ZNF362: variants seen among roughly 807,000 people sequenced by gnomAD.
ZNF362 encodes the protein zinc finger protein 362, also known as rotund homolog.
In ZNF362, 11 loss-of-function variants were observed where a neutral mutation model predicts 42.9. The observed-to-expected ratio is 0.26, with a 90% CI of 0.16 to 0.42. The LOEUF (loss-of-function observed/expected upper bound fraction) is 0.42. Among genes scored for constraint, ZNF362 ranks in the 20% least tolerant of loss-of-function variants. The probability of loss-of-function intolerance (pLI) is 1.00; values close to 1 mark genes in which losing one functional copy is unlikely to be tolerated. For synonymous variants in ZNF362, 255 were observed against 257.3 expected (o/e 0.99, Z 0.09); for missense variants, 362 against 576.2 (o/e 0.63, Z 3.81).
the ZNF362 span, chr1:33,147,272 A>C: frequency 1.2e-6 from 2 of 1,614,112 alleles, no homozygotes; most frequent in African/African-American, 2.7e-5. The surrounding 1 kb of genome is among the most constrained non-coding windows in gnomAD (Gnocchi z 8.1). Context: ...TTGCCAGGGA[A>C]CTTCTCGCGG....
At chr1:33,150,591 A>ATTCT in the ZNF362 span, among the ~76,000 whole-genome samples, 1 of 152,250 alleles carries the variant, frequency 6.6e-6, no homozygotes. Flanking sequence ...GGGACATAGA[A>ATTCT]GACGGGGAAC....
At chr1:33,193,821 G>C in the ZNF362 span, among the ~76,000 whole-genome samples, 1 of 152,196 alleles carries the variant, frequency 6.6e-6, no homozygotes, top group South Asian at 2.1e-4. Context: ...TGCCGAAGAA[G>C]AGCATAGCCT....
At chr1:33,251,617 C>T (rs957415451), upstream of ZNF362, among the ~76,000 whole-genome samples, 1 of 152,212 alleles carries the variant, frequency 6.6e-6, no homozygotes, top group Non-Finnish European at 1.5e-5. Flanking sequence ...CCTTACCTAT[C>T]TGGGCCTGCC....
At chr1:33,166,541 C>A in the ZNF362 span, among the ~76,000 whole-genome samples, 1 of 152,088 alleles carries the variant, frequency 6.6e-6, no homozygotes, top group Non-Finnish European at 1.5e-5. Context: ...CTCAGTAACC[C>A]TAAGGGAGGC....
upstream of ZNF362, among the ~76,000 whole-genome samples, chr1:33,253,194 T>G (rs1645770149): frequency 6.9e-6 from 1 of 144,140 alleles, no homozygotes; most frequent in South Asian, 2.3e-4. Flanking sequence ...TGAAGGTGGA[T>G]GGTGTGTTCA....
the ZNF362 span, among the ~76,000 whole-genome samples, chr1:33,191,633 T>C: frequency 6.6e-6 from 1 of 152,120 alleles, no homozygotes; most frequent in African/African-American, 2.4e-5. Flanking sequence ...GCCTCCCAAG[T>C]AGCTGGGACT....
At position 33,258,719 on chromosome 1, in the gene ZNF362, A is replaced by AC. The variant is rs1468000237; in HGVS notation, c.-89+2070dup. On this transcript the variant is annotated intron_variant, in intron 1 of 8. Transcript: ENST00000539719. ...TAGAATGGGACAGCACGATCCCTTC[A>AC]CCCCCTCCTACCCCCGCCATCATAA... Among the ~76,000 whole-genome samples, 4 of 151,774 alleles carry AC rather than the reference A, an allele frequency of 2.6e-5. No homozygotes were observed. The East Asian group carries it at 5.8e-4, about 22-fold the overall frequency.
the ZNF362 span, among the ~76,000 whole-genome samples, chr1:33,236,550 A>AT: frequency 5.5e-3 from 33 of 5,980 alleles, 1 homozygote; most frequent in African/African-American, 0.012. Context: ...AAAAAAAAAA[A>AT]ATATATATAT....
chr1:33,206,999 G>A, the ZNF362 span, among the ~76,000 whole-genome samples: 27 of 152,046 alleles, frequency 1.8e-4, no homozygotes, highest in Non-Finnish European at 3.7e-4. Flanking sequence ...TGTGTACAAC[G>A]TGCAGGTTTG....
chr1:33,220,050 G>A, the ZNF362 span, among the ~76,000 whole-genome samples: 2 of 152,202 alleles, frequency 1.3e-5, no homozygotes, highest in African/African-American at 4.8e-5. Flanking sequence ...TATGGCCTGG[G>A]GGTGGATGAA....
chr1:33,135,263 G>A, the ZNF362 span, among the ~76,000 whole-genome samples: 1 of 152,166 alleles, frequency 6.6e-6, no homozygotes, highest in South Asian at 2.1e-4. Flanking sequence ...ACTCCTGCCT[G>A]GGTGACAGAG....
At chr1:33,251,482 C>T in the ZNF362 span, among the ~76,000 whole-genome samples, 1 of 152,208 alleles carries the variant, frequency 6.6e-6, no homozygotes, top group Non-Finnish European at 1.5e-5. Flanking sequence ...CTTCCCTACT[C>T]TGCCCATTCC....
chr1:33,286,429 G>C (rs371737405), intron 6 of ZNF362, among the ~76,000 whole-genome samples: 7 of 151,500 alleles, frequency 4.6e-5, no homozygotes, highest in African/African-American at 1.7e-4. Context: ...CTTTGAAGGA[G>C]AGGAGAATAT....
At chr1:33,194,975 G>A in the ZNF362 span, 2 of 152,202 alleles carry the variant, frequency 1.3e-5, no homozygotes, top group East Asian at 1.9e-4. Flanking sequence ...GGCACATTGA[G>A]TTCTGAGTAG....
At chr1:33,144,796 G>A in the ZNF362 span, among the ~76,000 whole-genome samples, 2 of 152,114 alleles carry the variant, frequency 1.3e-5, no homozygotes, top group Non-Finnish European at 2.9e-5. Flanking sequence ...TTCCATACCC[G>A]TCACAGCCCA....
chr1:33,239,047 C>A, the ZNF362 span, among the ~76,000 whole-genome samples: 1 of 152,186 alleles, frequency 6.6e-6, no homozygotes, highest in East Asian at 1.9e-4. Flanking sequence ...TGGAGACTAC[C>A]AACACAGTGA....
the ZNF362 span, among the ~76,000 whole-genome samples, chr1:33,245,396 ATT>A: frequency 6.8e-6 from 1 of 147,654 alleles, no homozygotes. Context: ...TATACGAGGG[ATT>A]TTTTTTTTTG....
At chr1:33,238,326 C>CATAACATAAAATAAAATAAA in the ZNF362 span, among the ~76,000 whole-genome samples, 2 of 85,178 alleles carry the variant, frequency 2.3e-5, no homozygotes, top group African/African-American at 8.5e-5. Flanking sequence ...CTCAAAATAA[C>CATAACATAAAATAAAATAAA]ATAAAATAAA....
the ZNF362 span, among the ~76,000 whole-genome samples, chr1:33,143,604 C>T: frequency 1.3e-5 from 2 of 152,160 alleles, no homozygotes; most frequent in Non-Finnish European, 2.9e-5. Flanking sequence ...TCCTAGAAAC[C>T]CAGGCGAGTC....
Sources: gnomAD v4.1 joint callset for allele counts (sites outside exome capture counted in the v4.1 genomes callset) on GRCh38, gnomAD v4.1.1 for gene constraint, Gnocchi (gnomAD v3.1) non-coding constraint, MANE v1.5 for transcripts, NCBI Gene and HGNC (gene_info 2026-07-23, HGNC 2026-07-21) for gene names.